Variants in OSBPL3 observed in about 807,000 individuals in gnomAD.
OSBPL3 encodes oxysterol binding protein like 3.
In OSBPL3, 65 loss-of-function variants were observed where a neutral mutation model predicts 120.1. The ratio of observed to expected loss-of-function variants is 0.54; its 90% CI spans 0.44 to 0.67. The LOEUF (loss-of-function observed/expected upper bound fraction) is 0.67. OSBPL3 is among the 30% of genes least tolerant of loss of function. OSBPL3 has a pLI of 0.00. For synonymous variants in OSBPL3, 416 were observed against 402.6 expected, an observed-to-expected ratio of 1.03 and a Z score of -0.40; for missense variants, 1,004 against 1,082.1, an observed-to-expected ratio of 0.93 and a Z score of 1.01.
Position 24,968,347 on chromosome 7 carries a change from T to A in OSBPL3, c.-150+11539A>T, listed in dbSNP as rs1816618061. 1.3e-5 allele frequency among the ~76,000 whole-genome samples: 2 copies of A among 152,222 alleles called. No individual in the cohort carries two copies. ...AGTAATCAGCCAAGGGCTTGGGAAG[T>A]CACGCACAGTTGGTTCCCACATGCC... On this transcript the variant is annotated intron_variant, in intron 1 of 22. Coordinates refer to ENST00000313367, the MANE Select transcript of OSBPL3 (RefSeq NM_015550.4). The surrounding 1 kb of genome is among the most constrained non-coding windows in gnomAD (Gnocchi z 4.6).
chr7:24,970,104 C>CT lies in OSBPL3; in HGVS notation c.-150+9781dup, dbSNP rs10540160. 4.0e-3 allele frequency among the ~76,000 whole-genome samples: 335 copies of CT among 82,986 alleles called. 3 individuals are homozygous for CT. The highest frequency in any genetic ancestry group is 8.5e-3 in the Middle Eastern group (1 of 118). The allele number at this position is 82,986 out of a possible 152,430, so 54.4% of individuals were successfully genotyped here. A position where few individuals can be genotyped will look rare whatever the true frequency, so the allele number is the denominator to read the frequency against. ...TTCCTACCTTTCCCTTCGTCCCTTTCTTTTTTTTTTTTTTTTTTTTTTTGA... is the reference window on the plus strand; with the variant it reads ...TTCCTACCTTTCCCTTCGTCCCTTTCTTTTTTTTTTTTTTTTTTTTTTTTGA... On this transcript the variant is annotated intron_variant, in intron 1 of 22. Transcript: ENST00000313367.
At chr7:24,866,977 T>C (rs1801412591) in intron 5 of OSBPL3, among the ~76,000 whole-genome samples, 1 of 152,150 alleles carries the variant, frequency 6.6e-6, no homozygotes. Flanking sequence ...ATTTTTTGTA[T>C]CTTTAGTAGA....
chr7:24,922,289 G>A lies in OSBPL3; in HGVS notation c.-149-29668C>T, dbSNP rs200593406. Among the ~76,000 whole-genome samples the A allele has an allele frequency of 3.3e-5, 5 of 152,176 alleles. No homozygotes were observed. The East Asian group carries it at 7.7e-4, about 23-fold the overall frequency. Reference sequence around the variant, plus strand: ...CTAGAAGGGCACAGTGAGGGGGACTGGGGAGAGCACAAACTTTCGTGTTAG... The same window carrying A: ...CTAGAAGGGCACAGTGAGGGGGACTAGGGAGAGCACAAACTTTCGTGTTAG... On this transcript the variant is annotated intron_variant, in intron 1 of 22. Transcript: ENST00000313367. This position sits in a 1 kb window ranked among gnomAD's most constrained non-coding sequence, Gnocchi z 4.3.
chr7:24,863,232 C>T lies in OSBPL3; in HGVS notation c.838G>A (p.Ala280Thr), dbSNP rs1800824417. ...GTTCCTTTAGCATCTTTGCCAATAG[C>T]TCTGGACCGCCACCTCCTGTGCGAT... is the stretch of plus-strand genomic sequence containing the variant. ...KRSHRRWRSR[A>T]IGKDAKGTLQ... Residue 280 changes from alanine (A) to threonine (T), a missense_variant, in exon 9 of 23, where the codon GCT becomes ACT. By Grantham distance (58) the Ala-to-Thr change is moderately conservative. Transcript: ENST00000313367. This position sits in a 1 kb window ranked among gnomAD's most constrained non-coding sequence, Gnocchi z 5.8. The T allele has an allele frequency of 6.2e-7, 1 of 1,614,198 alleles. No homozygotes were observed. The highest frequency in any genetic ancestry group is 8.5e-7 in the Non-Finnish European group (1 of 1,179,988).
rs1810537938 is a variant in OSBPL3, at chr7:24,922,625, T to C, written c.-149-30004A>G. Among the ~76,000 whole-genome samples the C allele has an allele frequency of 6.6e-6, 1 of 152,222 alleles. No homozygotes were observed. On this transcript the variant is annotated intron_variant, in intron 1 of 22. Coordinates refer to ENST00000313367, the MANE Select transcript of OSBPL3 (RefSeq NM_015550.4). The surrounding 1 kb of genome is among the most constrained non-coding windows in gnomAD (Gnocchi z 4.3). ...CTTTCCTCCATTTCCTTATGCCCTC[T>C]TCTTGTTCTCCTGTGACTTCCACAG...
rs1217905273 is a variant in OSBPL3, at chr7:24,940,811, T to G, written c.-150+39075A>C. Among the ~76,000 whole-genome samples, 1 of 70,614 alleles carries G rather than the reference T, an allele frequency of 1.4e-5. No individual in the cohort carries two copies. Among genetic ancestry groups the G allele is most frequent in the Non-Finnish European group, 2.5e-5 (1 of 40,382 alleles). The allele number at this position is 70,614 out of a possible 152,430, so 46.3% of individuals were successfully genotyped here. A position where few individuals can be genotyped will look rare whatever the true frequency, so the allele number is the denominator to read the frequency against. ...ATCGCTCTTCTTAACATTTCTTCCT[T>G]TTTTTTCTTTTTTTTTTTGTGTGTG... On this transcript the variant is annotated intron_variant, in intron 1 of 22. Transcript: ENST00000313367. This position sits in a 1 kb window ranked among gnomAD's most constrained non-coding sequence, Gnocchi z 4.4.
chr7:24,805,021 T>C lies in OSBPL3; in HGVS notation c.2445-584A>G, dbSNP rs946999888. 6.6e-6 allele frequency among the ~76,000 whole-genome samples: 1 copy of C among 152,240 alleles called. No homozygotes were observed. Among genetic ancestry groups the C allele is most frequent in the African/African-American group, 2.4e-5 (1 of 41,468 alleles). ...TAGACATTTGAATCATTTGAATCAT[T>C]TTAATGTGACAATGCCGCAATAAAT... is the stretch of plus-strand genomic sequence containing the variant. On this transcript the variant is annotated intron_variant, in intron 21 of 22. Transcript: ENST00000313367. This position sits in a 1 kb window ranked among gnomAD's most constrained non-coding sequence, Gnocchi z 4.0.
At chr7:24,961,431 T>C (rs1001768391) in intron 1 of OSBPL3, among the ~76,000 whole-genome samples, 1 of 152,110 alleles carries the variant, frequency 6.6e-6, no homozygotes, top group Non-Finnish European at 1.5e-5. Context: ...ACAAAAACCA[T>C]ATGTTGAGAT....
In OSBPL3 at chr7:24,967,817, T is replaced by TC; in HGVS notation, c.-150+12068dup. Among the ~76,000 whole-genome samples, 1 of 152,288 alleles carries TC rather than the reference T, an allele frequency of 6.6e-6. No homozygotes were observed. Among genetic ancestry groups the TC allele is most frequent in the South Asian group, 2.1e-4 (1 of 4,822 alleles). On this transcript the variant is annotated intron_variant, in intron 1 of 22. Transcript: ENST00000313367. The surrounding 1 kb of genome is among the most constrained non-coding windows in gnomAD (Gnocchi z 5.6). Reference sequence around the variant, plus strand: ...CTAAACTGCTGACTCCCAGAACTGATCAACAGCTCTGCCCTCTCTCTTGCA... The same window carrying TC: ...CTAAACTGCTGACTCCCAGAACTGATCCAACAGCTCTGCCCTCTCTCTTGCA...
Position 24,879,172 on chromosome 7 carries a change from A to C in OSBPL3, c.97-7103T>G, listed in dbSNP as rs1318542670. 6.6e-6 allele frequency among the ~76,000 whole-genome samples: 1 copy of C among 152,236 alleles called. No homozygotes were observed. The highest frequency in any genetic ancestry group is 1.5e-5 in the Non-Finnish European group (1 of 68,046). ...GCAGAGGCACCACAGAGAAGATTCC[A>C]AGACTGGCAGGGAGTTTAGAACAAG... On this transcript the variant is annotated intron_variant, in intron 2 of 22. Coordinates refer to ENST00000313367, the MANE Select transcript of OSBPL3 (RefSeq NM_015550.4). This position sits in a 1 kb window ranked among gnomAD's most constrained non-coding sequence, Gnocchi z 5.6.
chr7:24,971,203 G>C (rs1180836023), intron 1 of OSBPL3, among the ~76,000 whole-genome samples: 1 of 152,258 alleles, frequency 6.6e-6, no homozygotes, highest in Non-Finnish European at 1.5e-5. Context: ...CTTGGCAATA[G>C]AGGCCGAAAG....
chr7:24,812,370 G>A (rs1307511737), intron 19 of OSBPL3, among the ~76,000 whole-genome samples: 2 of 151,316 alleles, frequency 1.3e-5, no homozygotes, highest in Non-Finnish European at 2.9e-5. Context: ...TATATCAAGC[G>A]AGTAGTGTGG....
At chr7:24,837,114 C>T (rs758194886) in intron 14 of OSBPL3, among the ~76,000 whole-genome samples, 21 of 152,168 alleles carry the variant, frequency 1.4e-4, no homozygotes, top group Non-Finnish European at 1.0e-4. Flanking sequence ...GGATTACAGG[C>T]GTGAGCCACC....
chr7:24,826,312 G>A (rs1293727917), intron 16 of OSBPL3, among the ~76,000 whole-genome samples: 1 of 152,182 alleles, frequency 6.6e-6, no homozygotes, highest in East Asian at 1.9e-4. Flanking sequence ...AAGAGCCAGA[G>A]GGTCAGAACC....
chr7:24,969,197 A>T (rs2522238), intron 1 of OSBPL3, among the ~76,000 whole-genome samples: 32,555 of 152,232 alleles, frequency 0.21, 4,510 homozygotes, highest in East Asian at 0.59. Flanking sequence ...ATAGGTGAAA[A>T]ATAGCATCTC....
At chr7:24,971,068 C>A (rs1321434495) in intron 1 of OSBPL3, among the ~76,000 whole-genome samples, 1 of 152,258 alleles carries the variant, frequency 6.6e-6, no homozygotes, top group Admixed American at 6.5e-5. Context: ...TCTACCCTGT[C>A]CAGCTCAAAG....
chr7:24,897,700 A>G (rs1806389134), intron 1 of OSBPL3, among the ~76,000 whole-genome samples: 1 of 152,232 alleles, frequency 6.6e-6, no homozygotes, highest in South Asian at 2.1e-4. Flanking sequence ...GAGTGTGAAC[A>G]GACTAGTGTT....
chr7:24,805,885 T>G lies in OSBPL3; in HGVS notation c.2444+891A>C, dbSNP rs771920678. On this transcript the variant is annotated intron_variant, in intron 21 of 22. Transcript: ENST00000313367. This position sits in a 1 kb window ranked among gnomAD's most constrained non-coding sequence, Gnocchi z 4.0. Reference sequence around the variant, plus strand: ...CATGACATGAGTTGCAGATACGGACTTCTCCGTTTGTCATTTATCTTTTGA... The same window carrying G: ...CATGACATGAGTTGCAGATACGGACGTCTCCGTTTGTCATTTATCTTTTGA... 1.1e-4 allele frequency among the ~76,000 whole-genome samples: 17 copies of G among 152,236 alleles called. No homozygotes were observed. The highest frequency in any genetic ancestry group is 2.1e-4 in the Non-Finnish European group (14 of 68,038).
intron 1 of OSBPL3, 61 bp from the exon 2 acceptor site, chr7:24,892,682 A>G (rs1719279591): frequency 1.6e-6 from 2 of 1,233,356 alleles, no homozygotes; most frequent in Non-Finnish European, 2.1e-6. Flanking sequence ...AATTTGCCAC[A>G]AATTGTCTGC....
Sources: gnomAD v4.1 joint callset for allele counts (sites outside exome capture counted in the v4.1 genomes callset) on GRCh38, gnomAD v4.1.1 for gene constraint, Gnocchi (gnomAD v3.1) non-coding constraint, MANE v1.5 for transcripts, NCBI Gene and HGNC (gene_info 2026-07-23, HGNC 2026-07-21) for gene names.